The following STARD13 variants were observed in gnomAD, a reference collection of about 807,000 sequenced individuals.
The protein encoded by STARD13 is StAR related lipid transfer domain containing 13.
Under a neutral mutation model 106.4 loss-of-function variants are expected in STARD13, and 62 were observed. That is an observed-to-expected ratio of 0.58 (90% CI 0.48 to 0.72). The LOEUF (loss-of-function observed/expected upper bound fraction) is 0.72. Among genes scored for constraint, STARD13 ranks in the 30% least tolerant of loss-of-function variants. The pLI is 0.00. For missense variants in STARD13, 1,387 were observed against 1,424.0 expected (o/e 0.97, Z 0.42); for synonymous variants, 565 against 553.0 (o/e 1.02, Z -0.31).
chr13:33,155,085 G>T (rs1881792117), intron 3 of STARD13, among the ~76,000 whole-genome samples: 1 of 151,982 alleles, frequency 6.6e-6, no homozygotes, highest in Admixed American at 6.6e-5. Flanking sequence ...GCACTCTCAG[G>T]GCCTTCCTCC....
chr13:33,117,852 T>C (rs1463436044), intron 8 of STARD13: 1 of 985,178 alleles, frequency 1.0e-6, no homozygotes, highest in Non-Finnish European at 1.2e-6. Flanking sequence ...TATTTTGATG[T>C]CAAAAAGGTA....
At chr13:33,634,718 C>T in the STARD13 span, among the ~76,000 whole-genome samples, 1 of 152,048 alleles carries the variant, frequency 6.6e-6, no homozygotes, top group Non-Finnish European at 1.5e-5. Flanking sequence ...CACACACACA[C>T]ATGCACACAC....
At chr13:33,483,410 G>A in the STARD13 span, among the ~76,000 whole-genome samples, 1 of 152,196 alleles carries the variant, frequency 6.6e-6, no homozygotes, top group Non-Finnish European at 1.5e-5. Context: ...ATCTCAGGAA[G>A]TTTAAGAATT....
intron 1 of STARD13, among the ~76,000 whole-genome samples, chr13:33,211,548 A>C (rs2858129): frequency 0.34 from 51,848 of 151,948 alleles, 9,134 homozygotes; most frequent in Middle Eastern, 0.44. Context: ...CAAGTCCCTG[A>C]TTCAAAGTGG....
chr13:33,228,512 A>T (rs567641830), intron 1 of STARD13, among the ~76,000 whole-genome samples: 1 of 152,230 alleles, frequency 6.6e-6, no homozygotes, highest in East Asian at 1.9e-4. Context: ...AGTGAAAGAA[A>T]CTCAGTTCAG....
chr13:33,397,848 T>C, the STARD13 span, among the ~76,000 whole-genome samples: 3 of 152,214 alleles, frequency 2.0e-5, no homozygotes, highest in African/African-American at 4.8e-5. Context: ...CACTTCCTCA[T>C]AGACAGCATT....
the STARD13 span, among the ~76,000 whole-genome samples, chr13:33,600,260 C>T: frequency 6.6e-6 from 1 of 152,088 alleles, no homozygotes; most frequent in Non-Finnish European, 1.5e-5. Context: ...ATCAAACAGA[C>T]CAAAACAACA....
the STARD13 span, among the ~76,000 whole-genome samples, chr13:33,376,374 T>TA: frequency 6.6e-6 from 1 of 152,188 alleles, no homozygotes. Flanking sequence ...AGTGGGTACT[T>TA]ACGCATTCTA....
At chr13:33,138,880 A>G (rs1400081620) in intron 4 of STARD13, 7 of 475,774 alleles carry the variant, frequency 1.5e-5, no homozygotes, top group South Asian at 1.1e-4. Flanking sequence ...AACAGTTAGA[A>G]ACTGTATTGT....
chr13:33,489,413 C>G, the STARD13 span, among the ~76,000 whole-genome samples: 1 of 152,108 alleles, frequency 6.6e-6, no homozygotes, highest in African/African-American at 2.4e-5. Context: ...GTCCAGTATT[C>G]AGATATTTTT....
At chr13:33,305,654 T>A (rs913824377) in intron 1 of STARD13, among the ~76,000 whole-genome samples, 4 of 152,186 alleles carry the variant, frequency 2.6e-5, no homozygotes, top group African/African-American at 9.7e-5. Flanking sequence ...GGCCTTGCCA[T>A]CCATTTGGCA....
the STARD13 span, among the ~76,000 whole-genome samples, chr13:33,523,974 A>G: frequency 5.3e-5 from 8 of 152,144 alleles, no homozygotes; most frequent in Non-Finnish European, 2.9e-5. Flanking sequence ...ATCCACTGCC[A>G]TGGTTACAAT....
At chr13:33,219,054 G>A (rs1408437135) in intron 1 of STARD13, among the ~76,000 whole-genome samples, 1 of 152,092 alleles carries the variant, frequency 6.6e-6, no homozygotes, top group Admixed American at 6.6e-5. Flanking sequence ...TAACAATCGT[G>A]TTTACTATAT....
chr13:33,134,431 T>C (rs1295624185), intron 4 of STARD13, among the ~76,000 whole-genome samples: 3 of 152,202 alleles, frequency 2.0e-5, no homozygotes, highest in Non-Finnish European at 4.4e-5. Flanking sequence ...ACTGGTTGAG[T>C]AACTCCTCTA....
chr13:33,139,970 T>A (rs941508066), intron 4 of STARD13, among the ~76,000 whole-genome samples: 2 of 152,178 alleles, frequency 1.3e-5, no homozygotes, highest in South Asian at 2.1e-4. Flanking sequence ...ATTTACAACA[T>A]GAAAAGCAAT....
the STARD13 span, among the ~76,000 whole-genome samples, chr13:33,615,925 T>C: frequency 1.3e-5 from 2 of 152,230 alleles, no homozygotes; most frequent in Non-Finnish European, 2.9e-5. Context: ...TTAATTTCTT[T>C]GGAATAATGC....
At chr13:33,249,624 C>T (rs909925783) in intron 1 of STARD13, among the ~76,000 whole-genome samples, 1 of 152,150 alleles carries the variant, frequency 6.6e-6, no homozygotes, top group Non-Finnish European at 1.5e-5. Flanking sequence ...GAAACTAAGC[C>T]TCAGAGAGTG....
chr13:33,228,182 A>G (rs1329505842), intron 1 of STARD13, among the ~76,000 whole-genome samples: 1 of 152,208 alleles, frequency 6.6e-6, no homozygotes, highest in African/African-American at 2.4e-5. Flanking sequence ...TGGAGTGCTC[A>G]TGGAAAATCA....
chr13:33,455,148 C>T, the STARD13 span, among the ~76,000 whole-genome samples: 3 of 152,186 alleles, frequency 2.0e-5, no homozygotes, highest in African/African-American at 7.2e-5. Context: ...TAAGCCTAAA[C>T]CACAGACTGT....
Sources: gnomAD v4.1 joint callset for allele counts (sites outside exome capture counted in the v4.1 genomes callset) on GRCh38, gnomAD v4.1.1 for gene constraint, MANE v1.5 for transcripts, NCBI Gene and HGNC (gene_info 2026-07-23, HGNC 2026-07-21) for gene names.